Variants in DPP10 observed in about 807,000 individuals in gnomAD.
DPP10 encodes dipeptidyl peptidase like 10, also known as inactive dipeptidyl peptidase 10.
DPP10 carries 33 observed loss-of-function variants against 120.9 expected under a neutral mutation model. That is an observed-to-expected ratio of 0.27 (90% CI 0.21 to 0.37). DPP10 has a LOEUF of 0.37. Ranked by LOEUF, DPP10 falls within the 10% of genes least tolerant of loss-of-function variation. DPP10 has a pLI of 1.00. For synonymous variants in DPP10, 337 were observed against 326.1 expected (o/e 1.03, Z -0.36); for missense variants, 816 against 942.8 (o/e 0.87, Z 1.76).
chr2:115,279,636 TCTTTC>T (rs2060064508), intron 1 of DPP10, among the ~76,000 whole-genome samples: 1 of 149,736 alleles, frequency 6.7e-6, no homozygotes, highest in Admixed American at 6.7e-5. Flanking sequence ...TTTCTTTCTT[TCTTTC>T]TTTTTTTCTT....
intron 1 of DPP10, among the ~76,000 whole-genome samples, chr2:115,214,423 C>G (rs757278790): frequency 6.6e-6 from 1 of 152,150 alleles, no homozygotes; most frequent in Non-Finnish European, 1.5e-5. Context: ...AATTGTTAAA[C>G]TCTGTGGATT....
At chr2:114,725,119 C>G (rs1053916083) in intron 1 of DPP10, among the ~76,000 whole-genome samples, 2 of 152,102 alleles carry the variant, frequency 1.3e-5, no homozygotes, top group African/African-American at 4.8e-5. Context: ...CTGCTTGTAA[C>G]AAGCCAAATG....
intron 1 of DPP10, among the ~76,000 whole-genome samples, chr2:114,570,689 CG>C (rs1376005628): frequency 1.3e-5 from 2 of 151,156 alleles, no homozygotes; most frequent in African/African-American, 4.9e-5. Flanking sequence ...AAAAATTAGC[CG>C]GGCGTGGTGG....
intron 1 of DPP10, among the ~76,000 whole-genome samples, chr2:114,750,608 CAGGCGTG>C (rs1679122739): frequency 6.6e-6 from 1 of 152,206 alleles, no homozygotes; most frequent in African/African-American, 2.4e-5. Flanking sequence ...GCTGGGAATA[CAGGCGTG>C]AGCCACCGCT....
chr2:114,895,273 A>C (rs11887172), intron 1 of DPP10, among the ~76,000 whole-genome samples: 92,347 of 152,118 alleles, frequency 0.61, 28,351 homozygotes, highest in East Asian at 0.7. Context: ...CAATCTATGA[A>C]GAATTACACA....
intron 1 of DPP10, among the ~76,000 whole-genome samples, chr2:114,780,599 T>C (rs1682235391): frequency 6.6e-6 from 1 of 152,118 alleles, no homozygotes; most frequent in Non-Finnish European, 1.5e-5. Context: ...AATAACACAC[T>C]ATTAAATTAC....
chr2:115,257,561 T>A (rs904152257), intron 1 of DPP10, among the ~76,000 whole-genome samples: 2 of 152,126 alleles, frequency 1.3e-5, no homozygotes, highest in Non-Finnish European at 2.9e-5. Flanking sequence ...TGTGAAAGAT[T>A]CTTCCTTATG....
At position 114,575,014 on chromosome 2, in the gene DPP10, A is replaced by T. The variant is rs183877088; in HGVS notation, c.60+132176A>T. Among the ~76,000 whole-genome samples, 12 of 152,348 alleles carry T rather than the reference A, an allele frequency of 7.9e-5. No individual in the cohort carries two copies. In the East Asian group the frequency reaches 2.3e-3, roughly 29 times the overall value. ...CCTCAAAGCCCAACTAAATAGCAAC[A>T]GCAGGGAGACGAAGGGGCTTGAAGA... On this transcript the variant is annotated intron_variant, in intron 1 of 25. Transcript: ENST00000410059.
At chr2:114,601,264 A>T (rs1283122458) in intron 1 of DPP10, among the ~76,000 whole-genome samples, 1 of 151,870 alleles carries the variant, frequency 6.6e-6, no homozygotes, top group Admixed American at 6.6e-5. Flanking sequence ...TAATTTTACA[A>T]TTGTGTAGGT....
chr2:114,664,918 GAGAGCATCCAAAAGATGGCAC>G (rs1558982696), intron 1 of DPP10, among the ~76,000 whole-genome samples: 9 of 118,174 alleles, frequency 7.6e-5, no homozygotes, highest in South Asian at 7.3e-4. Flanking sequence ...AAAGATGGCA[GAGAGCATCCAAAAGATGGCAC>G]AGAGCATCCA....
At chr2:115,333,853 A>T (rs993950063) in intron 2 of DPP10, among the ~76,000 whole-genome samples, 5 of 152,074 alleles carry the variant, frequency 3.3e-5, no homozygotes, top group Non-Finnish European at 5.9e-5. Context: ...GGCTGCCCTT[A>T]ACATTTTTTC....
At chr2:115,748,752 G>A (rs1340151507) in intron 10 of DPP10, among the ~76,000 whole-genome samples, 1 of 151,992 alleles carries the variant, frequency 6.6e-6, no homozygotes, top group African/African-American at 2.4e-5. Context: ...ACTCACCAAA[G>A]ACTGTAAAAT....
chr2:115,167,620 A>T (rs1034089268), intron 1 of DPP10, among the ~76,000 whole-genome samples: 3 of 151,660 alleles, frequency 2.0e-5, no homozygotes, highest in African/African-American at 4.8e-5. Context: ...AAAAAAAAAA[A>T]AAAAGCCTCA....
chr2:115,492,799 A>G (rs1451287704), intron 3 of DPP10, among the ~76,000 whole-genome samples: 22 of 152,116 alleles, frequency 1.4e-4, no homozygotes, highest in Non-Finnish European at 2.9e-4. Context: ...ACACATCAAA[A>G]TGGAATAAAA....
intron 3 of DPP10, among the ~76,000 whole-genome samples, chr2:115,466,619 C>T (rs548175650): frequency 6.6e-6 from 1 of 152,014 alleles, no homozygotes; most frequent in South Asian, 2.1e-4. Flanking sequence ...TAATATACAT[C>T]TTATTACTTT....
chr2:115,283,619 G>T (rs755594866), intron 1 of DPP10, among the ~76,000 whole-genome samples: 1 of 151,958 alleles, frequency 6.6e-6, no homozygotes, highest in Non-Finnish European at 1.5e-5. Flanking sequence ...TTTTAATTCA[G>T]TCTGAAAGGT....
intron 1 of DPP10, among the ~76,000 whole-genome samples, chr2:115,098,410 G>A (rs1260749060): frequency 6.6e-6 from 1 of 151,998 alleles, no homozygotes; most frequent in African/African-American, 2.4e-5. Flanking sequence ...ATCATTGTAC[G>A]AACATCATAG....
chr2:115,823,394 T>C (rs1429411276), intron 21 of DPP10, among the ~76,000 whole-genome samples: 1 of 152,198 alleles, frequency 6.6e-6, no homozygotes, highest in African/African-American at 2.4e-5. Flanking sequence ...ATCTCTTTTA[T>C]GCAGCATGGG....
At chr2:114,830,341 A>G (rs1030489046) in intron 1 of DPP10, among the ~76,000 whole-genome samples, 3 of 151,852 alleles carry the variant, frequency 2.0e-5, no homozygotes, top group East Asian at 1.9e-4. Flanking sequence ...AAGATGACGC[A>G]TGTTTCCCAT....
Sources: allele counts gnomAD v4.1 joint callset (sites outside exome capture counted in the v4.1 genomes callset), GRCh38; gene constraint gnomAD v4.1.1; transcripts MANE v1.5; gene names NCBI Gene and HGNC (gene_info 2026-07-23, HGNC 2026-07-21).